The following KLF8 variants were observed in gnomAD, a reference collection of about 807,000 sequenced individuals.
KLF8 encodes the protein KLF transcription factor 8.
A neutral mutation model predicts 18.2 loss-of-function variants in KLF8; 10 were observed. The observed-to-expected ratio is 0.55, with a 90% CI of 0.34 to 0.93. KLF8 has a LOEUF of 0.93. Among genes scored for constraint, KLF8 ranks in the 40% least tolerant of loss-of-function variants. The pLI is 0.02. For missense variants in KLF8, 264 were observed against 277.9 expected (o/e 0.95, Z 0.36); for synonymous variants, 109 against 97.3 (o/e 1.12, Z -0.71).
At chrX:56,032,370 TACATCTAC>T in the KLF8 span, among the ~76,000 whole-genome samples, 1 of 111,471 alleles carries the variant, frequency 9.0e-6, no homozygotes, top group Admixed American at 9.5e-5. Flanking sequence ...TTATTCTTTT[TACATCTAC>T]AGTTCTTTGA....
At chrX:56,209,213 C>A in the KLF8 span, among the ~76,000 whole-genome samples, 4 of 111,896 alleles carry the variant, frequency 3.6e-5, no homozygotes, top group Non-Finnish European at 7.5e-5. Context: ...TACTTACATT[C>A]TTTATCTCTT....
At chrX:56,000,639 T>C in the KLF8 span, among the ~76,000 whole-genome samples, 1 of 111,333 alleles carries the variant, frequency 9.0e-6, no homozygotes, top group African/African-American at 3.3e-5. Context: ...CATAGATGTG[T>C]TCATAGTAGT....
chrX:56,096,500 G>T, the KLF8 span, among the ~76,000 whole-genome samples: 1 of 111,448 alleles, frequency 9.0e-6, no homozygotes, highest in Non-Finnish European at 1.9e-5. Flanking sequence ...AAATGAAAAT[G>T]AAAATACAAA....
At chrX:55,987,519 A>G in the KLF8 span, among the ~76,000 whole-genome samples, 1 of 111,640 alleles carries the variant, frequency 9.0e-6, no homozygotes, top group South Asian at 3.8e-4. Flanking sequence ...GTCCCTACAA[A>G]GGACATGAAC....
At chrX:56,206,741 C>T in the KLF8 span, among the ~76,000 whole-genome samples, 105 of 112,299 alleles carry the variant, frequency 9.4e-4, 1 homozygote, top group South Asian at 0.034. Flanking sequence ...ATTCTGATGT[C>T]TGGAGGACGG....
At chrX:55,937,989 G>A in the KLF8 span, among the ~76,000 whole-genome samples, 11 of 111,107 alleles carry the variant, frequency 9.9e-5, no homozygotes, top group Non-Finnish European at 1.5e-4. Flanking sequence ...ATCTAGCAAG[G>A]CAGGCCAACA....
At chrX:56,218,912 T>C in the KLF8 span, among the ~76,000 whole-genome samples, 4 of 112,207 alleles carry the variant, frequency 3.6e-5, no homozygotes, top group East Asian at 8.4e-4. Context: ...AAGGAATTTG[T>C]GTTACTTCTT....
chrX:56,220,518 C>A, the KLF8 span, among the ~76,000 whole-genome samples: 1 of 111,025 alleles, frequency 9.0e-6, no homozygotes, highest in Admixed American at 9.6e-5. Flanking sequence ...AAAAGTCTCA[C>A]TCTGTCGCCC....
the KLF8 span, among the ~76,000 whole-genome samples, chrX:55,936,652 C>A: frequency 7.2e-4 from 81 of 112,545 alleles, no homozygotes; most frequent in Non-Finnish European, 1.3e-3. Flanking sequence ...ACAGATGGCA[C>A]CTGGAAAATC....
chrX:55,988,386 T>C, the KLF8 span, among the ~76,000 whole-genome samples: 1 of 112,021 alleles, frequency 8.9e-6, no homozygotes. Context: ...GTATAAGGTG[T>C]AAGGAAGAGA....
the KLF8 span, among the ~76,000 whole-genome samples, chrX:56,062,795 T>G: frequency 9.0e-6 from 1 of 111,371 alleles, no homozygotes; most frequent in Non-Finnish European, 1.9e-5. Flanking sequence ...CACTTTCAGG[T>G]ACAGCAATGA....
At chrX:56,202,739 T>A in the KLF8 span, among the ~76,000 whole-genome samples, 1 of 111,211 alleles carries the variant, frequency 9.0e-6, no homozygotes, top group Non-Finnish European at 1.9e-5. Context: ...CCATGCATAT[T>A]GTTGCAAATG....
the KLF8 span, among the ~76,000 whole-genome samples, chrX:56,053,075 C>G: frequency 9.0e-6 from 1 of 111,639 alleles, no homozygotes; most frequent in East Asian, 2.8e-4. Flanking sequence ...AAAGGGAACT[C>G]CCTGACCTCT....
At chrX:56,076,644 G>A in the KLF8 span, among the ~76,000 whole-genome samples, 2 of 111,262 alleles carry the variant, frequency 1.8e-5, no homozygotes, top group African/African-American at 3.3e-5. Context: ...ATAGTCCTTC[G>A]GGTATATACC....
the KLF8 span, among the ~76,000 whole-genome samples, chrX:55,951,766 A>G: frequency 9.0e-6 from 1 of 110,698 alleles, no homozygotes; most frequent in African/African-American, 3.3e-5. Context: ...TGGTTTTCTC[A>G]ATCTTGGCTG....
chrX:56,184,028 G>A, the KLF8 span, among the ~76,000 whole-genome samples: 1 of 112,039 alleles, frequency 8.9e-6, no homozygotes, highest in Non-Finnish European at 1.9e-5. Flanking sequence ...GCACAGGACA[G>A]TGGGTGCAGT....
At chrX:56,070,012 C>T in the KLF8 span, among the ~76,000 whole-genome samples, 1 of 112,523 alleles carries the variant, frequency 8.9e-6, no homozygotes, top group Admixed American at 9.4e-5. Flanking sequence ...AAATGCCCAT[C>T]AAAGATAGAC....
At chrX:55,982,668 C>G in the KLF8 span, among the ~76,000 whole-genome samples, 189 of 111,795 alleles carry the variant, frequency 1.7e-3, no homozygotes, top group Non-Finnish European at 2.6e-3. Flanking sequence ...GTTGCCTAAC[C>G]TCCCTTTCAA....
At chrX:56,279,626 T>A (rs6612507) in intron 5 of KLF8, among the ~76,000 whole-genome samples, 1 of 109,713 alleles carries the variant, frequency 9.1e-6, no homozygotes, top group Non-Finnish European at 1.9e-5. Flanking sequence ...GTGGAAGGGG[T>A]AAGATCAGTT....
Sources: allele counts gnomAD v4.1 joint callset (sites outside exome capture counted in the v4.1 genomes callset), GRCh38; gene constraint gnomAD v4.1.1; transcripts MANE v1.5; gene names NCBI Gene and HGNC (gene_info 2026-07-23, HGNC 2026-07-21).